Variants in TNRC18 observed in about 807,000 individuals in gnomAD.
The protein encoded by TNRC18 is trinucleotide repeat containing 18.
TNRC18 carries 69 observed loss-of-function variants against 226.7 expected under a neutral mutation model. The ratio of observed to expected loss-of-function variants is 0.30; its 90% CI spans 0.25 to 0.37. The LOEUF is 0.37. Among genes scored for constraint, TNRC18 ranks in the 10% least tolerant of loss-of-function variants. TNRC18 has a pLI of 1.00. For missense variants in TNRC18, 4,754 were observed against 4,256.6 expected (o/e 1.12, Z -3.25); for synonymous variants, 2,449 against 1,927.6 (o/e 1.27, Z -7.09).
intron 2 of TNRC18, among the ~76,000 whole-genome samples, chr7:5,406,912 A>C (rs1389168685): frequency 6.6e-6 from 1 of 152,104 alleles, no homozygotes; most frequent in Non-Finnish European, 1.5e-5. Flanking sequence ...AGAAGTGAAA[A>C]AGGAAAACAG....
At position 5,313,304 on chromosome 7, in the gene TNRC18, G is replaced by C; in HGVS notation, c.7587C>G (p.Pro2529=). The C allele has an allele frequency of 6.5e-7, 1 of 1,548,714 alleles. No homozygotes were observed. Among genetic ancestry groups the C allele is most frequent in the South Asian group, 1.2e-5 (1 of 83,990 alleles). ...KATDGDLAQE[P]GPGLTFEDSG... is the part of the protein sequence containing the mutation. ...AGTCCTCGAACGTGAGCCCCGGCCC[G>C]GGCTCCTGGGCGAGGTCCCCGTCGG... The change falls in exon 27 of 30, where the codon CCC becomes CCG. Residue 2529 remains proline, a synonymous_variant. Transcript: ENST00000430969.
chr7:5,379,314 G>A (rs747226370), intron 5 of TNRC18, among the ~76,000 whole-genome samples: 26 of 151,794 alleles, frequency 1.7e-4, no homozygotes, highest in South Asian at 8.3e-4. Context: ...CTCTTGCGCC[G>A]GGGAGGTCGA....
rs542654016 is a variant in TNRC18 at position 5,363,162 on chromosome 7, G to C, written c.4220-337C>G. Among the ~76,000 whole-genome samples, 4 of 152,260 alleles carry C rather than the reference G, an allele frequency of 2.6e-5. No homozygotes were observed. The East Asian group carries it at 7.7e-4, about 29-fold the overall frequency. ...ACTAAAAATAACAAAAACTAGCCGG[G>C]TGTAGTGGCACACGCCTGGAATCCC... On this transcript the variant is annotated intron_variant, in intron 11 of 29. Coordinates refer to ENST00000430969, the MANE Select transcript of TNRC18 (RefSeq NM_001080495.3).
At chr7:5,405,461 A>G (rs1200104365) in intron 2 of TNRC18, among the ~76,000 whole-genome samples, 1 of 151,576 alleles carries the variant, frequency 6.6e-6, no homozygotes, top group Non-Finnish European at 1.5e-5. Flanking sequence ...CCCAGCTATT[A>G]AGGAGGCTAA....
At position 5,308,053 on chromosome 7, in the gene TNRC18, G is replaced by A; in HGVS notation, c.*53C>T. On this transcript the variant is annotated 3_prime_UTR_variant, in exon 30 of 30. Coordinates refer to ENST00000430969, the MANE Select transcript of TNRC18 (RefSeq NM_001080495.3). ...GTCTCCGCGCCATGGCAGTGATGGA[G>A]ATGGGTCCCTGGCCGCCCTCGGGGC... 6.7e-7 allele frequency: 1 copy of A among 1,496,910 alleles called. No homozygotes were observed. Among genetic ancestry groups the A allele is most frequent in the Non-Finnish European group, 9.0e-7 (1 of 1,105,514 alleles). 92.7% of individuals were successfully genotyped at this position (1,496,910 alleles called of 1,614,324 possible). A position where few individuals can be genotyped will look rare whatever the true frequency, so the allele number is the denominator to read the frequency against.
At chr7:5,319,198 A>G (rs1788110746) in intron 24 of TNRC18, among the ~76,000 whole-genome samples, 1 of 152,168 alleles carries the variant, frequency 6.6e-6, no homozygotes, top group Non-Finnish European at 1.5e-5. Context: ...TGATGGAAAA[A>G]ACTAAGTCTT....
At chr7:5,343,783 G>C (rs73054070) in intron 18 of TNRC18, among the ~76,000 whole-genome samples, 20 of 152,294 alleles carry the variant, frequency 1.3e-4, no homozygotes, top group Non-Finnish European at 2.2e-4. Flanking sequence ...TAATGCTACT[G>C]CACACTTAAT....
chr7:5,390,201 A>G (rs911371368), intron 4 of TNRC18: 27 of 516,974 alleles, frequency 5.2e-5, no homozygotes, highest in African/African-American at 4.5e-4. Flanking sequence ...CCACCTCTAC[A>G]GAAAAGTTAA....
At chr7:5,337,970 G>C (rs1028926475) in intron 18 of TNRC18, among the ~76,000 whole-genome samples, 1 of 152,032 alleles carries the variant, frequency 6.6e-6, no homozygotes, top group African/African-American at 2.4e-5. Context: ...GCGACAGAGT[G>C]AGACTCCATC....
intron 18 of TNRC18, among the ~76,000 whole-genome samples, chr7:5,341,385 C>T (rs923462782): frequency 8.4e-5 from 12 of 143,340 alleles, no homozygotes; most frequent in Non-Finnish European, 1.5e-4. Flanking sequence ...CGCCACTGCA[C>T]TCCAGCCTGG....
chr7:5,313,403 C>G lies in TNRC18; in HGVS notation c.7488G>C (p.Lys2496Asn), dbSNP rs1166219342. Residue 2496 changes from lysine (K) to asparagine (N), a missense_variant, in exon 27 of 30, where the codon AAG becomes AAC. By Grantham distance (94) the Lys-to-Asn change is moderately conservative. Coordinates refer to ENST00000430969, the MANE Select transcript of TNRC18 (RefSeq NM_001080495.3). The stretch of plus-strand genomic sequence containing the variant: ...GATAGCTGCCCAGGCTCAGGAGGCT[C>G]TTGGGCTCCTGCCAGCCCCCCGCCC... ...DPGAGGWQEP[K>N]SLLSLGSYPP... 7 of 1,596,020 alleles carry G rather than the reference C, an allele frequency of 4.4e-6. No individual in the cohort carries two copies. Among genetic ancestry groups the G allele is most frequent in the African/African-American group, 2.7e-5 (2 of 74,528 alleles).
At chr7:5,417,104 A>G (rs1161268621) in intron 2 of TNRC18, among the ~76,000 whole-genome samples, 1 of 151,268 alleles carries the variant, frequency 6.6e-6, no homozygotes, top group East Asian at 1.9e-4. Context: ...GCAATGAGCT[A>G]TAATTGCACC....
rs750370000 is a variant in TNRC18, at chr7:5,361,906, C to T, written c.4523G>A (p.Arg1508Gln). Residue 1508 changes from arginine (R) to glutamine (Q), a missense_variant, in exon 13 of 30, where the codon CGG becomes CAG. Arg to Gln is a conservative substitution (Grantham distance 43). Transcript: ENST00000430969. ...QRELVKLQRRRDSEDRREEPH... is the reference protein window; with the variant it reads ...QRELVKLQRRQDSEDRREEPH... ...CGGGGGACACACTCACTCGGAGTCC[C>T]GGCGGCGCTGCAGCTTCACCAGCTC... 31 of 1,569,386 alleles carry T rather than the reference C, an allele frequency of 2.0e-5. No homozygotes were observed. In the African/African-American group the frequency reaches 3.2e-4, roughly 16 times the overall value.
chr7:5,360,280 A>G (rs1418176420), intron 14 of TNRC18, among the ~76,000 whole-genome samples: 2 of 151,974 alleles, frequency 1.3e-5, no homozygotes, highest in African/African-American at 4.8e-5. Flanking sequence ...GCCAGGATGC[A>G]GTGCAATGGC....
Position 5,324,184 on chromosome 7 carries a change from C to T in TNRC18, c.6442+30G>A. ...CCCAAGGGAGGCTCCAGCAGCCCCG[C>T]CCGGCACATGTGGCATCACGGCCAC... On this transcript the variant is annotated intron_variant, in intron 21 of 29. Transcript: ENST00000430969. The surrounding 1 kb of genome is among the most constrained non-coding windows in gnomAD (Gnocchi z 4.8). 1 of 1,567,668 alleles carries T rather than the reference C, an allele frequency of 6.4e-7. No homozygotes were observed. The highest frequency in any genetic ancestry group is 8.6e-7 in the Non-Finnish European group (1 of 1,160,786).
intron 10 of TNRC18, among the ~76,000 whole-genome samples, chr7:5,372,458 G>A (rs1794253613): frequency 6.7e-6 from 1 of 149,102 alleles, no homozygotes; most frequent in African/African-American, 2.5e-5. Flanking sequence ...CCTAACCTCA[G>A]GTGATCCACC....
At chr7:5,325,384 T>A in intron 19 of TNRC18, 136 bp from the exon 20 acceptor site, 1 of 912,300 alleles carries the variant, frequency 1.1e-6, no homozygotes, top group Non-Finnish European at 1.6e-6. Flanking sequence ...AAAACACCCC[T>A]TCTCTCTCTT....
At position 5,394,368 on chromosome 7, in the gene TNRC18, C is replaced by T. The variant is rs574495089; in HGVS notation, c.343+72G>A. 1 of 1,389,280 alleles carries T rather than the reference C, an allele frequency of 7.2e-7. No individual in the cohort carries two copies. Among genetic ancestry groups the T allele is most frequent in the Non-Finnish European group, 9.5e-7 (1 of 1,048,180 alleles). 86.1% of individuals were successfully genotyped at this position (1,389,280 alleles called of 1,614,324 possible). A position where few individuals can be genotyped will look rare whatever the true frequency, so the allele number is the denominator to read the frequency against. ...CAGCTCAGCGATGACAACAGAGGGGCACATGAAGTGGCCAGAGTGGCTGGG... is the reference window on the plus strand; with the variant it reads ...CAGCTCAGCGATGACAACAGAGGGGTACATGAAGTGGCCAGAGTGGCTGGG... On this transcript the variant is annotated intron_variant, in intron 3 of 29. Transcript: ENST00000430969. The surrounding 1 kb of genome is among the most constrained non-coding windows in gnomAD (Gnocchi z 4.5).
chr7:5,379,434 C>A (rs1779242689), intron 5 of TNRC18, among the ~76,000 whole-genome samples: 1 of 152,052 alleles, frequency 6.6e-6, no homozygotes. Context: ...AAAAGTAAAC[C>A]CAAAGAACAT....
Sources: allele counts gnomAD v4.1 joint callset (sites outside exome capture counted in the v4.1 genomes callset), GRCh38; gene constraint gnomAD v4.1.1; non-coding constraint Gnocchi (gnomAD v3.1); transcripts MANE v1.5; gene names NCBI Gene and HGNC (gene_info 2026-07-23, HGNC 2026-07-21).